The following RSAD2 variants were observed in gnomAD, a reference collection of about 807,000 sequenced individuals.
RSAD2 encodes the protein radical S-adenosyl methionine domain containing 2, also known as S-adenosylmethionine-dependent nucleotide dehydratase RSAD2.
Under a neutral mutation model 37.7 loss-of-function variants are expected in RSAD2, and 38 were observed. The observed-to-expected ratio is 1.01, with a 90% CI of 0.78 to 1.32. The LOEUF (loss-of-function observed/expected upper bound fraction) is 1.32. Ranked by LOEUF, RSAD2 falls within the 40% of genes most tolerant of loss-of-function variation. The pLI is 0.00. For missense variants in RSAD2, 428 were observed against 437.5 expected (o/e 0.98, Z 0.19); for synonymous variants, 163 against 157.4 (o/e 1.04, Z -0.27).
At chr2:6,867,582 T>C (rs1663125547) in intron 1 of RSAD2, among the ~76,000 whole-genome samples, 1 of 152,142 alleles carries the variant, frequency 6.6e-6, no homozygotes, top group Non-Finnish European at 1.5e-5. Context: ...ACCCCCCACA[T>C]ATCTGGGTTA....
At position 6,898,138 on chromosome 2, in the gene RSAD2, G is replaced by C. The variant is rs1412493825; in HGVS notation, c.*2196G>C. The C allele has an allele frequency of 6.6e-6, 1 of 152,112 alleles. No homozygotes were observed. Among genetic ancestry groups the C allele is most frequent in the Admixed American group, 6.6e-5 (1 of 15,266 alleles). 9.4% of individuals were successfully genotyped at this position (152,112 alleles called of 1,614,324 possible). On this transcript the variant is annotated 3_prime_UTR_variant, in exon 6 of 6. Transcript: ENST00000382040. Reference sequence around the variant, plus strand: ...TGAATTTGAAGTTTGAATCTTCTGAGTTGGAATGAATTTTTTTCTAGCTGA... The same window carrying C: ...TGAATTTGAAGTTTGAATCTTCTGACTTGGAATGAATTTTTTTCTAGCTGA...
intron 1 of RSAD2, chr2:6,866,433 C>T (rs1663093048): frequency 1.0e-6 from 1 of 985,566 alleles, no homozygotes; most frequent in South Asian, 4.7e-5. Flanking sequence ...CACCTGTGCA[C>T]AAGCTTTTCC....
At chr2:6,883,813 G>T (rs903648750) in intron 2 of RSAD2, 10 of 351,078 alleles carry the variant, frequency 2.8e-5, no homozygotes, top group Non-Finnish European at 4.1e-5. Flanking sequence ...AAGATCTATG[G>T]CCTTAGTTTA....
Position 6,885,277 on chromosome 2 carries a change from G to A in RSAD2, c.509-1658G>A, listed in dbSNP as rs116398445. On this transcript the variant is annotated intron_variant, in intron 2 of 5. Transcript: ENST00000382040. ...GACATATTTGGAATGTCTTTGCACA[G>A]GAAGGTCCATTTGAGTCTTAGGGTC... Among the ~76,000 whole-genome samples the A allele has an allele frequency of 3.7e-3, 557 of 152,278 alleles. 2 individuals carry two copies. The highest frequency in any genetic ancestry group is 0.031 in the Middle Eastern group (9 of 294).
intron 3 of RSAD2, among the ~76,000 whole-genome samples, chr2:6,889,027 C>T (rs2103246856): frequency 6.6e-6 from 1 of 152,322 alleles, no homozygotes; most frequent in South Asian, 2.1e-4. Flanking sequence ...ATGCCCAATC[C>T]CACACCCTCA....
rs140222474 is a variant in RSAD2 at position 6,884,754 on chromosome 2, C to T, written c.508+1222C>T. Reference sequence around the variant, plus strand: ...AGACTGTGGAGAACGGGAAGCATCGCGCCATATTCCTATAGTGCATGAGTG... The same window carrying T: ...AGACTGTGGAGAACGGGAAGCATCGTGCCATATTCCTATAGTGCATGAGTG... On this transcript the variant is annotated intron_variant, in intron 2 of 5. Coordinates refer to ENST00000382040, the MANE Select transcript of RSAD2 (RefSeq NM_080657.5). Among the ~76,000 whole-genome samples, 730 of 152,228 alleles carry T rather than the reference C, an allele frequency of 4.8e-3. 22 individuals are homozygous for T. Among genetic ancestry groups the T allele is most frequent in the Admixed American group, 0.038 (579 of 15,292 alleles).
intron 2 of RSAD2, among the ~76,000 whole-genome samples, chr2:6,885,663 T>G (rs914021292): frequency 6.6e-6 from 1 of 152,180 alleles, no homozygotes; most frequent in East Asian, 1.9e-4. Context: ...CATGGACACA[T>G]AGCAAAAGTT....
intron 4 of RSAD2, among the ~76,000 whole-genome samples, chr2:6,892,252 A>G (rs979075169): frequency 1.3e-5 from 2 of 152,210 alleles, no homozygotes; most frequent in Admixed American, 1.3e-4. Flanking sequence ...GGCTCTAGGT[A>G]AATGGTTCAA....
chr2:6,879,163 C>T (rs1312258384), intron 1 of RSAD2: 1 of 432,518 alleles, frequency 2.3e-6, no homozygotes, highest in African/African-American at 2.0e-5. Context: ...GTTACATTGG[C>T]TTAGTTACCC....
Position 6,867,360 on chromosome 2 carries a change from C to T in RSAD2, c.142+1315C>T, listed in dbSNP as rs1006107232. On this transcript the variant is annotated intron_variant, in intron 1 of 5. Coordinates refer to the RSAD2 transcript ENST00000442639. Reference sequence around the variant, plus strand: ...CCTTCTCTCTGTGTTCTCACGGGACCTTTCCTTTGTGCTTGCATCCTTGGC... The same window carrying T: ...CCTTCTCTCTGTGTTCTCACGGGACTTTTCCTTTGTGCTTGCATCCTTGGC... Among the ~76,000 whole-genome samples, 21 of 152,198 alleles carry T rather than the reference C, an allele frequency of 1.4e-4. 1 individual carries two copies. Among genetic ancestry groups the T allele is most frequent in the African/African-American group, 5.1e-4 (21 of 41,438 alleles).
intron 3 of RSAD2, among the ~76,000 whole-genome samples, chr2:6,889,723 T>G (rs1663593344): frequency 6.6e-6 from 1 of 152,232 alleles, no homozygotes; most frequent in Admixed American, 6.5e-5. Context: ...ATTAATGATT[T>G]TGAAAAACTG....
Position 6,878,028 on chromosome 2 carries a change from C to T in RSAD2, c.228C>T (p.Asn76=). 1 of 1,614,216 alleles carries T rather than the reference C, an allele frequency of 6.2e-7. No individual in the cohort carries two copies. Among genetic ancestry groups the T allele is most frequent in the Non-Finnish European group, 8.5e-7 (1 of 1,180,030 alleles). ...TGCCCACCACCCCAACCAGCGTCAA[C>T]TATCACTTCACTCGCCAGTGCAACT... The part of the protein sequence containing the change: ...PPLPTTPTSV[N]YHFTRQCNYK... The change falls in exon 1 of 6, where the codon AAC becomes AAT. Residue 76 remains asparagine (N), a synonymous_variant. Transcript: ENST00000382040.
intron 2 of RSAD2, among the ~76,000 whole-genome samples, chr2:6,886,094 G>A (rs905502178): frequency 5.9e-5 from 9 of 152,104 alleles, no homozygotes; most frequent in African/African-American, 1.2e-4. Flanking sequence ...AAAAAGAGTC[G>A]ACTCTTAAAA....
chr2:6,893,095 C>G (rs1663663906), intron 4 of RSAD2, among the ~76,000 whole-genome samples: 2 of 152,154 alleles, frequency 1.3e-5, no homozygotes, highest in Admixed American at 6.5e-5. Context: ...TGGCCCTTTA[C>G]AGAAAACATT....
chr2:6,877,702 C>T, upstream of RSAD2: 1 of 854,868 alleles, frequency 1.2e-6, no homozygotes, highest in Non-Finnish European at 1.8e-6. Flanking sequence ...GTGTGTCCTG[C>T]TCCCCAATGA....
chr2:6,869,504 G>C (rs1380847270), intron 1 of RSAD2, among the ~76,000 whole-genome samples: 1 of 152,172 alleles, frequency 6.6e-6, no homozygotes, highest in African/African-American at 2.4e-5. Flanking sequence ...GCCCATGAAG[G>C]AGTGAAAGGG....
At chr2:6,886,855 A>AT in intron 2 of RSAD2, 80 bp from the exon 3 acceptor site, 1 of 985,720 alleles carries the variant, frequency 1.0e-6, no homozygotes, top group South Asian at 1.6e-5. Context: ...AACAAGATAT[A>AT]TTTTATCACA....
Position 6,886,958 on chromosome 2 carries a change from A to C in RSAD2, c.532A>C (p.Ile178Leu), listed in dbSNP as rs554141538. 1.9e-6 allele frequency: 3 copies of C among 1,614,010 alleles called. No individual in the cohort carries two copies. Among genetic ancestry groups the C allele is most frequent in the African/African-American group, 1.3e-5 (1 of 75,070 alleles). The change falls in exon 3 of 6, where the codon ATC (isoleucine) becomes CTC (leucine). Residue 178 changes from isoleucine (I) to leucine (L), a missense_variant. Coordinates refer to ENST00000382040, the MANE Select transcript of RSAD2 (RefSeq NM_080657.5). Reference protein sequence around the residue: ...NYGEYLDILAISCDSFDEEVN... With the variant: ...NYGEYLDILALSCDSFDEEVN... ...AGGTGAGTATTTGGACATTCTCGCT[A>C]TCTCCTGTGACAGCTTTGACGAGGA...
At chr2:6,866,176 G>T (rs781426470) in intron 1 of RSAD2, 56 of 186,622 alleles carry the variant, frequency 3.0e-4, no homozygotes, top group Non-Finnish European at 3.3e-4. Context: ...TCCCTTCCCG[G>T]TGTAACGGGC....
Sources: gnomAD v4.1 joint callset for allele counts (sites outside exome capture counted in the v4.1 genomes callset) on GRCh38, gnomAD v4.1.1 for gene constraint, MANE v1.5 for transcripts, NCBI Gene and HGNC (gene_info 2026-07-23, HGNC 2026-07-21) for gene names.